RHBDD1: variants seen among roughly 807,000 people sequenced by gnomAD.
RHBDD1 encodes the protein rhomboid domain containing 1, also known as rhomboid-related protein 4.
RHBDD1 carries 38 observed loss-of-function variants against 36.3 expected under a neutral mutation model. That is an observed-to-expected ratio of 1.05 (90% CI 0.81 to 1.37). The LOEUF (loss-of-function observed/expected upper bound fraction) is 1.37, where lower values mean the gene tolerates loss of function less well. Among genes scored for constraint, RHBDD1 ranks in the 40% most tolerant of loss-of-function variants. The probability of loss-of-function intolerance (pLI) is 0.00; values close to 1 mark genes in which losing one functional copy is unlikely to be tolerated. For synonymous variants in RHBDD1, 151 were observed against 136.5 expected (o/e 1.11, Z -0.74); for missense variants, 393 against 377.6 (o/e 1.04, Z -0.34).
intron 8 of RHBDD1, among the ~76,000 whole-genome samples, chr2:226,940,510 C>T (rs1466021798): frequency 1.3e-5 from 2 of 152,016 alleles, no homozygotes; most frequent in African/African-American, 4.8e-5. Context: ...TTACTAAGAT[C>T]ATTTGCTTAA....
At chr2:226,845,308 A>C (rs1278994495) in intron 3 of RHBDD1, among the ~76,000 whole-genome samples, 1 of 152,222 alleles carries the variant, frequency 6.6e-6, no homozygotes, top group Non-Finnish European at 1.5e-5. Flanking sequence ...GATTTGTCAC[A>C]ATTTGTGATT....
chr2:226,914,446 A>G (rs774754125), intron 8 of RHBDD1, 95 bp downstream of exon 8: 153 of 1,381,366 alleles, frequency 1.1e-4, no homozygotes, highest in Non-Finnish European at 1.5e-4. Context: ...AATTTTAAAC[A>G]GTTCAGAAAA....
chr2:226,990,921 A>T (rs1958053373), intron 8 of RHBDD1, among the ~76,000 whole-genome samples: 1 of 152,200 alleles, frequency 6.6e-6, no homozygotes. Context: ...CGTTTCACCC[A>T]GGCCTGTAAA....
At chr2:226,828,122 C>A in the RHBDD1 span, among the ~76,000 whole-genome samples, 1 of 152,178 alleles carries the variant, frequency 6.6e-6, no homozygotes, top group South Asian at 2.1e-4. Flanking sequence ...TTAGAGCTAA[C>A]CTGCTCCCAC....
At chr2:226,836,707 T>TA (rs1345782436) in intron 1 of RHBDD1, among the ~76,000 whole-genome samples, 3 of 152,220 alleles carry the variant, frequency 2.0e-5, no homozygotes, top group African/African-American at 7.2e-5. Flanking sequence ...CCTGCCTAGT[T>TA]ATGATTCAAT....
In RHBDD1 at chr2:226,941,224, C is replaced by T. The variant is rs1001268051; in HGVS notation, c.856+26873C>T. 4.6e-5 allele frequency among the ~76,000 whole-genome samples: 7 copies of T among 151,820 alleles called. No individual in the cohort carries two copies. The East Asian group carries it at 1.4e-3, about 29-fold the overall frequency. ...CAGGTGATCCACCCGCCTCAGCCTC[C>T]CAAAGTGCTGGGATTACAGGCGTGA... On this transcript the variant is annotated intron_variant, in intron 8 of 8. Transcript: ENST00000392062.
At chr2:226,951,658 C>T (rs1457906803) in intron 8 of RHBDD1, among the ~76,000 whole-genome samples, 1 of 152,124 alleles carries the variant, frequency 6.6e-6, no homozygotes, top group Non-Finnish European at 1.5e-5. Flanking sequence ...CCACAGTTAA[C>T]AGCTAACTGT....
At chr2:226,894,563 A>C (rs1050308535) in intron 5 of RHBDD1, among the ~76,000 whole-genome samples, 2 of 152,144 alleles carry the variant, frequency 1.3e-5, no homozygotes, top group Admixed American at 6.5e-5. Context: ...GAGCCACTGC[A>C]CCCAGCCTAT....
At chr2:226,909,159 C>G (rs968152260) in intron 7 of RHBDD1, among the ~76,000 whole-genome samples, 1 of 151,954 alleles carries the variant, frequency 6.6e-6, no homozygotes, top group Non-Finnish European at 1.5e-5. Flanking sequence ...CATATTAGAC[C>G]TTGGTTCTTT....
chr2:226,938,320 A>G (rs1950469040), intron 8 of RHBDD1, among the ~76,000 whole-genome samples: 1 of 152,058 alleles, frequency 6.6e-6, no homozygotes, highest in African/African-American at 2.4e-5. Context: ...AGTTCCTTAT[A>G]GATGCTGGAT....
chr2:226,812,877 A>G, the RHBDD1 span, among the ~76,000 whole-genome samples: 21,184 of 152,214 alleles, frequency 0.14, 2,015 homozygotes, highest in African/African-American at 0.27. Context: ...AGATGTATAC[A>G]TAAATATCAC....
the RHBDD1 span, chr2:226,804,669 T>C: frequency 2.0e-5 from 3 of 152,214 alleles, no homozygotes; most frequent in African/African-American, 7.2e-5. Flanking sequence ...AGTAATGCCC[T>C]CAACAGATGA....
At chr2:226,928,737 C>G (rs968341012) in intron 8 of RHBDD1, among the ~76,000 whole-genome samples, 1 of 151,826 alleles carries the variant, frequency 6.6e-6, no homozygotes, top group African/African-American at 2.4e-5. Flanking sequence ...AAAAGATAAA[C>G]AAAATCATAG....
At chr2:226,962,114 G>A (rs1426624345) in intron 8 of RHBDD1, among the ~76,000 whole-genome samples, 1 of 152,176 alleles carries the variant, frequency 6.6e-6, no homozygotes, top group Non-Finnish European at 1.5e-5. Context: ...CCAGTAACCT[G>A]TAGAATTCTT....
chr2:226,985,064 G>C (rs1374072239), intron 8 of RHBDD1, among the ~76,000 whole-genome samples: 2 of 152,128 alleles, frequency 1.3e-5, no homozygotes, highest in African/African-American at 4.8e-5. Flanking sequence ...GAGTATTACT[G>C]CATCCAGGAT....
At chr2:226,935,069 AAATC>A (rs1313290163) in intron 8 of RHBDD1, 1 of 152,014 alleles carries the variant, frequency 6.6e-6, no homozygotes, top group African/African-American at 2.4e-5. Flanking sequence ...TCTTGTGAAA[AAATC>A]AAGCAGAATT....
At chr2:226,953,637 A>C (rs1230971782) in intron 8 of RHBDD1, among the ~76,000 whole-genome samples, 1 of 152,226 alleles carries the variant, frequency 6.6e-6, no homozygotes, top group Non-Finnish European at 1.5e-5. Context: ...TAAGTTCTTC[A>C]GGAAGCAGTA....
At chr2:226,801,798 G>A in the RHBDD1 span, among the ~76,000 whole-genome samples, 1 of 152,154 alleles carries the variant, frequency 6.6e-6, no homozygotes, top group Non-Finnish European at 1.5e-5. Context: ...GTGGAAAAGT[G>A]TAACTGTGTG....
intron 5 of RHBDD1, among the ~76,000 whole-genome samples, chr2:226,898,345 A>G (rs772084856): frequency 2.0e-5 from 3 of 152,214 alleles, no homozygotes; most frequent in Non-Finnish European, 2.9e-5. Context: ...TGCTATTGCA[A>G]TACCCTTGTT....
Sources: allele counts gnomAD v4.1 joint callset (sites outside exome capture counted in the v4.1 genomes callset), GRCh38; gene constraint gnomAD v4.1.1; transcripts MANE v1.5; gene names NCBI Gene and HGNC (gene_info 2026-07-23, HGNC 2026-07-21).